Variants in MROH2B observed in about 807,000 individuals in gnomAD.
MROH2B encodes the protein maestro heat like repeat family member 2B.
Under a neutral mutation model 208.6 loss-of-function variants are expected in MROH2B, and 177 were observed. The ratio of observed to expected loss-of-function variants is 0.85; its 90% CI spans 0.75 to 0.96. The LOEUF is 0.96. MROH2B is among the 40% of genes least tolerant of loss of function. The probability of loss-of-function intolerance (pLI) is 0.00; values close to 1 mark genes in which losing one functional copy is unlikely to be tolerated. For synonymous variants in MROH2B, 728 were observed against 659.0 expected, an observed-to-expected ratio of 1.10 and a Z score of -1.60; for missense variants, 2,002 against 1,878.7, an observed-to-expected ratio of 1.07 and a Z score of -1.21.
At chr5:41,048,004 C>A (rs1032539768) in intron 16 of MROH2B, among the ~76,000 whole-genome samples, 2 of 152,000 alleles carry the variant, frequency 1.3e-5, no homozygotes, top group African/African-American at 4.8e-5. Flanking sequence ...CTGAAATGAC[C>A]ATATTTTGAT....
In MROH2B at chr5:41,065,358, C is replaced by A; in HGVS notation, c.334G>T (p.Ala112Ser). ...LELPDEFVVL[A>S]LAELATSYVS... is the part of the protein sequence containing the mutation. ...TAGCTGGTTGCCAATTCAGCCAGGG[C>A]AAGCACAACGAATTCATCTGGTAGC... The change falls in exon 4 of 42, where the codon GCC becomes TCC. Residue 112 changes from alanine to serine, a missense_variant. Coordinates refer to ENST00000399564, the MANE Select transcript of MROH2B (RefSeq NM_173489.5). 1 of 1,613,024 alleles carries A rather than the reference C, an allele frequency of 6.2e-7. No individual in the cohort carries two copies.
Position 41,018,754 on chromosome 5 carries a change from T to G in MROH2B, c.2610A>C (p.Gly870=). 2 of 1,613,806 alleles carry G rather than the reference T, an allele frequency of 1.2e-6. No individual in the cohort carries two copies. The highest frequency in any genetic ancestry group is 1.7e-6 in the Non-Finnish European group (2 of 1,179,824). ...CCCACATCATGGTCTTCAGAAGTTT[T>G]CCTAGGGCGTCCATGGATCGTTCAT... ...FLYERSMDAL[G]KLLKTMMWDN... The change falls in exon 26 of 42, where the codon GGA becomes GGC. Residue 870 remains glycine, a synonymous_variant. Transcript: ENST00000399564.
In MROH2B at chr5:41,045,777, A is replaced by G. The variant is rs369551093; in HGVS notation, c.1805T>C (p.Met602Thr). 1.5e-5 allele frequency: 24 copies of G among 1,613,456 alleles called. No individual in the cohort carries two copies. The highest frequency in any genetic ancestry group is 1.1e-4 in the African/African-American group (8 of 74,882). The change falls in exon 18 of 42, where the codon ATG (methionine) becomes ACG (threonine). Residue 602 changes from methionine (M) to threonine (T), a missense_variant. Met to Thr is a moderately conservative substitution (Grantham distance 81). Coordinates refer to ENST00000399564, the MANE Select transcript of MROH2B (RefSeq NM_173489.5). Reference sequence around the variant, plus strand: ...AGTGGAGTTATTGCTGTAACTGCCCATTTGCTGTTTGAAATCCTGAGTCAG... The same window carrying G: ...AGTGGAGTTATTGCTGTAACTGCCCGTTTGCTGTTTGAAATCCTGAGTCAG... ...IQLTQDFKQQ[M>T]GSYSNNSTEK...
At chr5:41,028,074 A>T (rs1321874210) in intron 24 of MROH2B, among the ~76,000 whole-genome samples, 1 of 152,184 alleles carries the variant, frequency 6.6e-6, no homozygotes, top group Non-Finnish European at 1.5e-5. Context: ...GCATTAGGAG[A>T]TATACCTAAT....
At position 41,045,742 on chromosome 5, in the gene MROH2B, C is replaced by G; in HGVS notation, c.1836+4G>C. 6.2e-7 allele frequency: 1 copy of G among 1,612,318 alleles called. No individual in the cohort carries two copies. Among genetic ancestry groups the G allele is most frequent in the Non-Finnish European group, 8.5e-7 (1 of 1,178,794 alleles). On this transcript the variant is annotated splice_donor_region_variant and intron_variant, in intron 18 of 41. Coordinates refer to ENST00000399564, the MANE Select transcript of MROH2B (RefSeq NM_173489.5). Reference sequence around the variant, plus strand: ...TAAGGTTTCCCCTCAGCTGAAAAACCAACCTTCTCAGTGGAGTTATTGCTG... The same window carrying G: ...TAAGGTTTCCCCTCAGCTGAAAAACGAACCTTCTCAGTGGAGTTATTGCTG...
chr5:41,048,286 T>G (rs325861), intron 16 of MROH2B, 38 bp downstream of exon 16: 230,456 of 1,561,982 alleles, frequency 0.15, 18,030 homozygotes, highest in South Asian at 0.18. Flanking sequence ...TTTATGTTCT[T>G]GCCCCCTGGG....
intron 21 of MROH2B, among the ~76,000 whole-genome samples, chr5:41,037,621 C>A (rs1353859384): frequency 6.6e-6 from 1 of 152,112 alleles, no homozygotes; most frequent in Non-Finnish European, 1.5e-5. Flanking sequence ...ATGTGAAGAG[C>A]ACTTATGCAT....
At chr5:41,065,108 G>C (rs777429791) in intron 4 of MROH2B, among the ~76,000 whole-genome samples, 12 of 152,208 alleles carry the variant, frequency 7.9e-5, no homozygotes, top group Non-Finnish European at 1.5e-4. Context: ...GAAGGGGAAG[G>C]TGAGGATGGG....
intron 24 of MROH2B, among the ~76,000 whole-genome samples, chr5:41,027,651 C>T (rs552549322): frequency 6.6e-6 from 1 of 152,156 alleles, no homozygotes; most frequent in African/African-American, 2.4e-5. Flanking sequence ...GGATCTAGAA[C>T]TAGAATTACT....
chr5:41,058,547 T>C (rs956722092), intron 6 of MROH2B, among the ~76,000 whole-genome samples: 17 of 152,094 alleles, frequency 1.1e-4, no homozygotes, highest in African/African-American at 4.1e-4. Context: ...AACCTCCGCC[T>C]CCCAGATTCA....
chr5:41,043,353 G>A (rs139292360), intron 18 of MROH2B, among the ~76,000 whole-genome samples: 1 of 152,306 alleles, frequency 6.6e-6, no homozygotes, highest in African/African-American at 2.4e-5. Flanking sequence ...GGAAATTATA[G>A]TGGAGAAAAC....
In MROH2B at chr5:41,000,687, C is replaced by A. The variant is rs200154112; in HGVS notation, c.4341G>T (p.Lys1447Asn). Reference protein sequence around the residue: ...FLLHLWDPNPKIGVACRDVLM... With the variant: ...FLLHLWDPNPNIGVACRDVLM... ...TGTGGAGAGCACTTACAACTCCAAT[C>A]TTGGGGTTGGGATCCCAAAGGTGCA... Residue 1447 changes from lysine to asparagine, a missense_variant, in exon 38 of 42, where the codon AAG becomes AAT. Lys to Asn is a moderately conservative substitution (Grantham distance 94). Coordinates refer to ENST00000399564, the MANE Select transcript of MROH2B (RefSeq NM_173489.5). 1.4e-5 allele frequency: 23 copies of A among 1,610,662 alleles called. No individual in the cohort carries two copies. Among genetic ancestry groups the A allele is most frequent in the Non-Finnish European group, 1.9e-5 (22 of 1,178,512 alleles).
rs746619676 is a variant in MROH2B at position 41,007,354 on chromosome 5, T to A, written c.3709A>T (p.Ser1237Cys). 35 of 1,539,114 alleles carry A rather than the reference T, an allele frequency of 2.3e-5. No homozygotes were observed. Among genetic ancestry groups the A allele is most frequent in the Non-Finnish European group, 2.7e-5 (31 of 1,140,286 alleles). Residue 1237 changes from serine (S) to cysteine (C), a missense_variant, in exon 34 of 42, where the codon AGT (serine) becomes TGT (cysteine). Ser to Cys is a moderately radical substitution (Grantham distance 112). Coordinates refer to ENST00000399564, the MANE Select transcript of MROH2B (RefSeq NM_173489.5). ...ACGCCTATGTGGTGGGTACTAGGACTGCTGAGTAGAGTCCATAAGTTGTCC... is the reference window on the plus strand; with the variant it reads ...ACGCCTATGTGGTGGGTACTAGGACAGCTGAGTAGAGTCCATAAGTTGTCC... The part of the protein sequence containing the change: ...EGDNLWTLLS[S>C]PSTHHIGVCS...
intron 24 of MROH2B, among the ~76,000 whole-genome samples, chr5:41,024,928 A>G (rs1379378249): frequency 1.3e-5 from 2 of 152,236 alleles, no homozygotes; most frequent in Non-Finnish European, 2.9e-5. Context: ...CCTGCTCCTG[A>G]GTGACTGCTG....
chr5:41,002,707 G>A (rs1334285070), intron 37 of MROH2B, among the ~76,000 whole-genome samples: 1 of 152,142 alleles, frequency 6.6e-6, no homozygotes, highest in Non-Finnish European at 1.5e-5. Flanking sequence ...CTAACAATCA[G>A]CAAGGCTTTA....
intron 6 of MROH2B, among the ~76,000 whole-genome samples, chr5:41,060,795 A>G (rs1218216623): frequency 6.6e-6 from 1 of 152,154 alleles, no homozygotes; most frequent in East Asian, 1.9e-4. Context: ...AAACTTCCCT[A>G]CAGGATATTT....
chr5:41,030,213 G>A (rs572876338), intron 24 of MROH2B, among the ~76,000 whole-genome samples: 71 of 152,064 alleles, frequency 4.7e-4, no homozygotes, highest in African/African-American at 1.7e-3. Flanking sequence ...ATGAAATGAT[G>A]TTTGACATCA....
At chr5:40,998,513 T>C (rs554698854) in intron 41 of MROH2B, 99 bp downstream of exon 41, 25 of 999,864 alleles carry the variant, frequency 2.5e-5, no homozygotes, top group Non-Finnish European at 3.5e-5. Flanking sequence ...GGTACTAAGA[T>C]TTTCAAGTTC....
chr5:41,064,345 T>C, intron 5 of MROH2B, 127 bp downstream of exon 5: 1 of 706,798 alleles, frequency 1.4e-6, no homozygotes, highest in African/African-American at 1.8e-5. Context: ...AGGCACTCAA[T>C]AAGTGGCAGC....
Sources: allele counts gnomAD v4.1 joint callset (sites outside exome capture counted in the v4.1 genomes callset), GRCh38; gene constraint gnomAD v4.1.1; transcripts MANE v1.5; gene names NCBI Gene and HGNC (gene_info 2026-07-23, HGNC 2026-07-21).